FMN2: variants seen among roughly 807,000 people sequenced by gnomAD.
FMN2 encodes the protein formin 2.
Under a neutral mutation model 142.3 loss-of-function variants are expected in FMN2, and 51 were observed. The observed-to-expected ratio is 0.36, with a 90% CI of 0.29 to 0.45. The LOEUF (loss-of-function observed/expected upper bound fraction) is 0.45. FMN2 is among the 20% of genes least tolerant of loss of function. FMN2 has a pLI of 1.00. For missense variants in FMN2, 1,936 were observed against 2,122.8 expected (o/e 0.91, Z 1.73); for synonymous variants, 882 against 869.8 (o/e 1.01, Z -0.25).
At chr1:240,337,456 A>C (rs1056982212) in intron 13 of FMN2, among the ~76,000 whole-genome samples, 1 of 152,076 alleles carries the variant, frequency 6.6e-6, no homozygotes, top group African/African-American at 2.4e-5. Context: ...GACAAAAATG[A>C]TTCCTTCTAA....
intron 2 of FMN2, among the ~76,000 whole-genome samples, chr1:240,161,929 A>G (rs1664297739): frequency 6.6e-6 from 1 of 152,146 alleles, no homozygotes; most frequent in South Asian, 2.1e-4. Context: ...TAAACAGGAC[A>G]ATACCCTGGC....
chr1:240,105,410 C>T (rs1036206310), intron 1 of FMN2, among the ~76,000 whole-genome samples: 5 of 151,916 alleles, frequency 3.3e-5, no homozygotes, highest in African/African-American at 1.2e-4. Flanking sequence ...CACCCGGCCT[C>T]CATATAAATT....
At chr1:240,095,558 A>C (rs1661168338) in intron 1 of FMN2, among the ~76,000 whole-genome samples, 2 of 152,142 alleles carry the variant, frequency 1.3e-5, no homozygotes, top group African/African-American at 4.8e-5. Flanking sequence ...ACATGACATA[A>C]GTGCAGTGCA....
chr1:240,216,566 CAT>C (rs1487350424), intron 6 of FMN2, among the ~76,000 whole-genome samples: 2 of 152,052 alleles, frequency 1.3e-5, no homozygotes, highest in Non-Finnish European at 2.9e-5. Context: ...AAAAAAAATA[CAT>C]AGTTAAATGT....
At chr1:240,143,469 G>C in intron 2 of FMN2, 1 of 1,526,878 alleles carries the variant, frequency 6.5e-7, no homozygotes, top group Non-Finnish European at 9.1e-7. Flanking sequence ...TTTCCTTTTT[G>C]TCCTTGTCCT....
At chr1:240,124,957 C>T (rs893001166) in intron 2 of FMN2, among the ~76,000 whole-genome samples, 1 of 152,126 alleles carries the variant, frequency 6.6e-6, no homozygotes, top group African/African-American at 2.4e-5. Context: ...TGAGCCACTG[C>T]GCCTGGCCGT....
intron 16 of FMN2, among the ~76,000 whole-genome samples, chr1:240,457,082 T>C (rs1408815112): frequency 1.3e-5 from 2 of 149,980 alleles, no homozygotes; most frequent in Non-Finnish European, 3.0e-5. Context: ...CCAGCACTGG[T>C]ACTATGATTT....
In FMN2 at chr1:240,378,107, A is replaced by G. The variant is rs548375470; in HGVS notation, c.4859-14404A>G. Reference sequence around the variant, plus strand: ...TTATGATGTGCATTGGTATATGTGTATATGTGTTTTTCTCTTTCTTTTTTG... The same window carrying G: ...TTATGATGTGCATTGGTATATGTGTGTATGTGTTTTTCTCTTTCTTTTTTG... On this transcript the variant is annotated intron_variant, in intron 14 of 17. Transcript: ENST00000319653. Among the ~76,000 whole-genome samples the G allele has an allele frequency of 7.2e-5, 11 of 151,736 alleles. No individual in the cohort carries two copies. The South Asian group carries it at 1.3e-3, about 17-fold the overall frequency.
intron 6 of FMN2, among the ~76,000 whole-genome samples, chr1:240,242,404 A>G (rs144378919): frequency 2.0e-5 from 3 of 152,284 alleles, no homozygotes; most frequent in Admixed American, 6.5e-5. Context: ...TTACTTGCAC[A>G]TATTTGAAAT....
chr1:240,264,387 A>G (rs1287530648), intron 7 of FMN2, among the ~76,000 whole-genome samples: 1 of 152,024 alleles, frequency 6.6e-6, no homozygotes, highest in Non-Finnish European at 1.5e-5. Context: ...ATTTATTTTT[A>G]TTTTTTTATT....
intron 6 of FMN2, among the ~76,000 whole-genome samples, chr1:240,212,593 G>A (rs546547414): frequency 7.2e-5 from 11 of 152,052 alleles, no homozygotes; most frequent in Admixed American, 2.0e-4. Flanking sequence ...AAACCAGAAG[G>A]TTACTCATTT....
chr1:240,221,077 A>G (rs932315313), intron 6 of FMN2, among the ~76,000 whole-genome samples: 55 of 152,264 alleles, frequency 3.6e-4, no homozygotes, highest in African/African-American at 1.3e-3. Context: ...ATTGTATTCC[A>G]TGGTGTATAT....
intron 13 of FMN2, among the ~76,000 whole-genome samples, chr1:240,346,660 C>T (rs1276614094): frequency 6.6e-6 from 1 of 152,094 alleles, no homozygotes. Flanking sequence ...ATGTAACGTA[C>T]ATGTTATGTA....
At chr1:240,396,929 T>A (rs1221784953) in intron 15 of FMN2, among the ~76,000 whole-genome samples, 1 of 152,190 alleles carries the variant, frequency 6.6e-6, no homozygotes, top group African/African-American at 2.4e-5. Flanking sequence ...GTGTGTGTGT[T>A]TTTGATAGAA....
intron 6 of FMN2, chr1:240,245,388 T>G: frequency 2.5e-6 from 1 of 407,582 alleles, no homozygotes. Context: ...TGCAGCAGGG[T>G]GGTGGTAGTG....
chr1:240,399,465 G>A (rs1463569845), intron 15 of FMN2, among the ~76,000 whole-genome samples: 3 of 152,096 alleles, frequency 2.0e-5, no homozygotes, highest in African/African-American at 4.8e-5. Context: ...TAAGGCATTC[G>A]AATCACTCCC....
In FMN2 at chr1:240,474,114, G is replaced by A. The variant is rs755715117; in HGVS notation, c.5143-14G>A. The A allele has an allele frequency of 4.5e-6, 7 of 1,559,902 alleles. No individual in the cohort carries two copies. The highest frequency in any genetic ancestry group is 6.0e-6 in the Non-Finnish European group (7 of 1,161,130). On this transcript the variant is annotated splice_polypyrimidine_tract_variant and intron_variant, in intron 17 of 17. Transcript: ENST00000319653. ...TTTCTAACTAAAACTTTTATCTGGT[G>A]TATTTGTTTTCAGAAAGCAAAGATA...
At chr1:240,365,761 C>T (rs1309303095) in intron 14 of FMN2, among the ~76,000 whole-genome samples, 1 of 152,130 alleles carries the variant, frequency 6.6e-6, no homozygotes, top group Non-Finnish European at 1.5e-5. Flanking sequence ...TGTTTAATGA[C>T]ACCTTAGCTA....
At chr1:240,298,307 C>T (rs985913742) in intron 8 of FMN2, among the ~76,000 whole-genome samples, 4 of 152,090 alleles carry the variant, frequency 2.6e-5, no homozygotes, top group South Asian at 2.1e-4. Context: ...GGTCATTGTG[C>T]GTATTTTATA....
Sources: allele counts gnomAD v4.1 joint callset (sites outside exome capture counted in the v4.1 genomes callset), GRCh38; gene constraint gnomAD v4.1.1; transcripts MANE v1.5; gene names NCBI Gene and HGNC (gene_info 2026-07-23, HGNC 2026-07-21).